The following NHS variants were observed in gnomAD, a reference collection of about 807,000 sequenced individuals.
The protein encoded by NHS is actin remodeling regulator NHS.
Under a neutral mutation model 72.5 loss-of-function variants are expected in NHS, and 5 were observed. That is an observed-to-expected ratio of 0.07 (90% CI 0.04 to 0.14). NHS has a LOEUF of 0.14. Among genes scored for constraint, NHS ranks in the 10% least tolerant of loss-of-function variants. NHS has a pLI of 1.00. For synonymous variants in NHS, 464 were observed against 547.7 expected, an observed-to-expected ratio of 0.85 and a Z score of 2.13; for missense variants, 1,072 against 1,355.7, an observed-to-expected ratio of 0.79 and a Z score of 3.29.
chrX:17,647,874 T>C (rs1313029031), intron 1 of NHS, among the ~76,000 whole-genome samples: 3 of 111,987 alleles, frequency 2.7e-5, no homozygotes, highest in African/African-American at 9.7e-5. Flanking sequence ...CTTCTGGAAC[T>C]GTATCCATAG....
chrX:17,438,739 A>G lies in NHS; in HGVS notation c.565+62417A>G, dbSNP rs113182173. ...TTATAAAATGGGGATGTCTTCAGCA[A>G]GAAATAGTTCTCCAACACTCTCCTT... On this transcript the variant is annotated intron_variant, in intron 1 of 8. Coordinates refer to ENST00000676302, the MANE Select transcript of NHS (RefSeq NM_001291867.2). 1.4e-3 allele frequency among the ~76,000 whole-genome samples: 154 copies of G among 112,111 alleles called. 1 individual carries two copies. The highest frequency in any genetic ancestry group is 4.7e-3 in the African/African-American group (146 of 30,882).
In NHS at chrX:17,660,090, C is replaced by T. The variant is rs912782456; in HGVS notation, c.566-27652C>T. Among the ~76,000 whole-genome samples the T allele has an allele frequency of 3.6e-5, 4 of 112,076 alleles. No individual in the cohort carries two copies. The South Asian group carries it at 1.1e-3, about 31-fold the overall frequency. On this transcript the variant is annotated intron_variant, in intron 1 of 8. Coordinates refer to ENST00000676302, the MANE Select transcript of NHS (RefSeq NM_001291867.2). ...GGAGTCATTTGTAAATTTGCTGAGG[C>T]ATGTCTTTGAGCCTCAAGCATATAA...
At chrX:17,590,768 G>C (rs903240439) in intron 1 of NHS, among the ~76,000 whole-genome samples, 1 of 111,163 alleles carries the variant, frequency 9.0e-6, no homozygotes, top group African/African-American at 3.3e-5. Context: ...TACCAAAAAT[G>C]TCAGAATACA....
chrX:17,656,841 G>C (rs1433751206), intron 1 of NHS, among the ~76,000 whole-genome samples: 1 of 111,639 alleles, frequency 9.0e-6, no homozygotes, highest in East Asian at 2.8e-4. Flanking sequence ...AGGGCGCCCT[G>C]AGGTTTGGCC....
intron 3 of NHS, among the ~76,000 whole-genome samples, chrX:17,698,940 G>T (rs1399634081): frequency 9.0e-6 from 1 of 111,059 alleles, no homozygotes; most frequent in Non-Finnish European, 1.9e-5. Flanking sequence ...ATGTATATAT[G>T]TATGTATATA....
chrX:17,532,076 A>G (rs1252682776), intron 1 of NHS, among the ~76,000 whole-genome samples: 1 of 111,167 alleles, frequency 9.0e-6, no homozygotes, highest in Admixed American at 9.6e-5. Flanking sequence ...TTTGTTGGTG[A>G]AGCCAGTGGG....
In NHS at chrX:17,557,326, G is replaced by GATATATATAT. The variant is rs61711287; in HGVS notation, c.566-130403_566-130394dup. 6.3e-3 allele frequency: 602 copies of GATATATATAT among 96,074 alleles called. 1 individual carries two copies. The highest frequency in any genetic ancestry group is 0.021 in the African/African-American group (524 of 25,285). 7.9% of individuals were successfully genotyped at this position (96,074 alleles called of 1,213,427 possible). A position where few individuals can be genotyped will look rare whatever the true frequency, so the allele number is the denominator to read the frequency against. ...GAATATTTAGTGACAGAGATTCTGT[G>GATATATATAT]ATATATATATATATATATATATCTT... On this transcript the variant is annotated intron_variant, in intron 1 of 8. Coordinates refer to ENST00000676302, the MANE Select transcript of NHS (RefSeq NM_001291867.2).
intron 2 of NHS, among the ~76,000 whole-genome samples, chrX:17,691,019 G>A (rs1296842577): frequency 9.0e-6 from 1 of 111,694 alleles, no homozygotes; most frequent in Non-Finnish European, 1.9e-5. Context: ...GCAGTTTCAG[G>A]CTGTAGTGGA....
intron 1 of NHS, among the ~76,000 whole-genome samples, chrX:17,505,124 G>T (rs2065051155): frequency 9.0e-6 from 1 of 111,205 alleles, no homozygotes; most frequent in African/African-American, 3.3e-5. Flanking sequence ...ACAAACCTTA[G>T]ACATCTTTCT....
rs945956365 is a variant in NHS, at chrX:17,673,813, C to T, written c.566-13929C>T. 4.5e-5 allele frequency among the ~76,000 whole-genome samples: 5 copies of T among 112,010 alleles called. No homozygotes were observed. The Admixed American group carries it at 4.7e-4, about 11-fold the overall frequency. ...AAAAGGGAAATTCCAAATGGTTTAA[C>T]CTAACGCTTTAGCATATGCTGATCT... On this transcript the variant is annotated intron_variant, in intron 1 of 8. Coordinates refer to ENST00000676302, the MANE Select transcript of NHS (RefSeq NM_001291867.2).
intron 3 of NHS, among the ~76,000 whole-genome samples, chrX:17,711,941 T>C (rs1165875395): frequency 9.1e-6 from 1 of 110,005 alleles, no homozygotes; most frequent in Non-Finnish European, 1.9e-5. Context: ...TATAAGTATT[T>C]TATAAGTATT....
At chrX:17,460,186 T>A (rs2064841468) in intron 1 of NHS, among the ~76,000 whole-genome samples, 1 of 112,493 alleles carries the variant, frequency 8.9e-6, no homozygotes, top group Admixed American at 9.4e-5. Context: ...ACCTAGTGCC[T>A]GTTTTAGGTC....
At chrX:17,495,027 T>C (rs2065006211) in intron 1 of NHS, among the ~76,000 whole-genome samples, 1 of 112,010 alleles carries the variant, frequency 8.9e-6, no homozygotes, top group Non-Finnish European at 1.9e-5. Flanking sequence ...CATTTGGCTG[T>C]TCTAATCTGG....
chrX:17,513,659 G>A (rs1458751769), intron 1 of NHS, among the ~76,000 whole-genome samples: 1 of 111,860 alleles, frequency 8.9e-6, no homozygotes. Context: ...TCAAGGTTGA[G>A]ACTCACTGGT....
At chrX:17,393,457 A>C in intron 1 of NHS, among the ~76,000 whole-genome samples, 1 of 112,614 alleles carries the variant, frequency 8.9e-6, no homozygotes, top group Non-Finnish European at 1.9e-5. Context: ...TTTGATTCAC[A>C]GACAGTGGCT....
intron 1 of NHS, among the ~76,000 whole-genome samples, chrX:17,486,790 T>C (rs1294381307): frequency 2.7e-5 from 3 of 112,197 alleles, no homozygotes; most frequent in African/African-American, 9.7e-5. Context: ...CTACCTACCA[T>C]TTATTGGATG....
intron 1 of NHS, among the ~76,000 whole-genome samples, chrX:17,423,487 C>G (rs1003694121): frequency 3.6e-5 from 4 of 111,329 alleles, no homozygotes; most frequent in African/African-American, 1.3e-4. Flanking sequence ...AGCATGAGAG[C>G]CTTGTCTGTC....
At chrX:17,380,351 T>G (rs1601680652) in intron 1 of NHS, among the ~76,000 whole-genome samples, 2 of 102,442 alleles carry the variant, frequency 2.0e-5, no homozygotes, top group African/African-American at 3.6e-5. Flanking sequence ...ATAGGAGAGG[T>G]GGAGAGGAAA....
intron 1 of NHS, among the ~76,000 whole-genome samples, chrX:17,389,524 A>G (rs2064429543): frequency 8.9e-6 from 1 of 111,807 alleles, no homozygotes. Context: ...GGTTTTTGAC[A>G]AGGATAAAAA....
Sources: allele counts gnomAD v4.1 joint callset (sites outside exome capture counted in the v4.1 genomes callset), GRCh38; gene constraint gnomAD v4.1.1; transcripts MANE v1.5; gene names NCBI Gene and HGNC (gene_info 2026-07-23, HGNC 2026-07-21).